OSER1: variants seen among roughly 807,000 people sequenced by gnomAD.
The protein encoded by OSER1 is oxidative stress-responsive serine-rich protein 1.
OSER1 carries 15 observed loss-of-function variants against 26.3 expected under a neutral mutation model. The ratio of observed to expected loss-of-function variants is 0.57; its 90% CI spans 0.38 to 0.88. OSER1 has a LOEUF of 0.88. OSER1 is among the 40% of genes least tolerant of loss of function. The probability of loss-of-function intolerance (pLI) is 0.00; values close to 1 mark genes in which losing one functional copy is unlikely to be tolerated. For missense variants in OSER1, 313 were observed against 353.9 expected (o/e 0.88, Z 0.93); for synonymous variants, 127 against 128.2 (o/e 0.99, Z 0.07).
chr20:44,197,841 GT>G, intron 3 of OSER1, 102 bp from the exon 4 acceptor site: 2 of 697,486 alleles, frequency 2.9e-6, no homozygotes, highest in Non-Finnish European at 4.7e-6. Flanking sequence ...AGCTTTATGA[GT>G]CTAAGCTCAT....
chr20:44,207,860 T>C (rs951620169), intron 1 of OSER1, among the ~76,000 whole-genome samples: 2 of 152,160 alleles, frequency 1.3e-5, no homozygotes, highest in African/African-American at 4.8e-5. Flanking sequence ...CAGAGAAAGG[T>C]AGATGAAGAA....
intron 3 of OSER1, 78 bp downstream of exon 3, chr20:44,202,883 T>G: frequency 3.8e-6 from 3 of 786,638 alleles, no homozygotes. Context: ...AACCTAACTC[T>G]TTTCTGGACA....
At chr20:44,209,786 T>C (rs891996221) in intron 1 of OSER1, among the ~76,000 whole-genome samples, 3 of 152,110 alleles carry the variant, frequency 2.0e-5, no homozygotes, top group African/African-American at 7.2e-5. Context: ...CAAGACCTCC[T>C]TGAATCCCAA....
chr20:44,199,304 G>A (rs1025899696), intron 3 of OSER1, among the ~76,000 whole-genome samples: 1 of 152,166 alleles, frequency 6.6e-6, no homozygotes, highest in African/African-American at 2.4e-5. Flanking sequence ...TTGAGGGACA[G>A]GGATAGTTAT....
At position 44,206,990 on chromosome 20, in the gene OSER1, C is replaced by A. The variant is rs763794108; in HGVS notation, c.-33G>T. On this transcript the variant is annotated 5_prime_UTR_variant, in exon 2 of 4. It adds an upstream start codon to the 5' untranslated region. Transcript: ENST00000255174. Reference sequence around the variant, plus strand: ...GTTTTTACACTACTTATCGATGTTCCTGTTTACACTAAAAAAGAAAATAAA... The same window carrying A: ...GTTTTTACACTACTTATCGATGTTCATGTTTACACTAAAAAAGAAAATAAA... 6.6e-7 allele frequency: 1 copy of A among 1,525,192 alleles called. No homozygotes were observed. 94.5% of individuals were successfully genotyped at this position (1,525,192 alleles called of 1,614,324 possible). A position where few individuals can be genotyped will look rare whatever the true frequency, so the allele number is the denominator to read the frequency against.
At position 44,197,565 on chromosome 20, in the gene OSER1, T is replaced by A; in HGVS notation, c.366A>T (p.Gly122=). 6.2e-7 allele frequency: 1 copy of A among 1,614,106 alleles called. No homozygotes were observed. The highest frequency in any genetic ancestry group is 8.5e-7 in the Non-Finnish European group (1 of 1,180,000). Residue 122 remains glycine (G), a synonymous_variant, in exon 4 of 4, where the codon GGA becomes GGT. Coordinates refer to ENST00000255174, the MANE Select transcript of OSER1 (RefSeq NM_016470.8). The part of the protein sequence containing the change: ...TDSPDGSSGL[G]ISSPKEFSAG... ...CACTGAACTCTTTAGGGGATGAAAT[T>A]CCCAGCCCACTGCTGCCATCAGGTG...
chr20:44,207,861 A>G (rs1203662797), intron 1 of OSER1, among the ~76,000 whole-genome samples: 1 of 152,246 alleles, frequency 6.6e-6, no homozygotes, highest in Admixed American at 6.5e-5. Context: ...AGAGAAAGGT[A>G]GATGAAGAAC....
chr20:44,210,811 C>T (rs1233378570), upstream of OSER1: 5 of 152,652 alleles, frequency 3.3e-5, no homozygotes, highest in African/African-American at 1.2e-4. Flanking sequence ...GCCCGCGCCT[C>T]GGGAGTCGCG....
intron 1 of OSER1, chr20:44,210,195 T>C (rs1288271554): frequency 2.0e-5 from 3 of 152,862 alleles, no homozygotes; most frequent in Non-Finnish European, 4.4e-5. Context: ...CAGGGAGCTG[T>C]CCAGGGGCAC....
At chr20:44,207,190 G>C (rs1264866425) in intron 1 of OSER1, 192 bp from the exon 2 acceptor site, 1 of 410,776 alleles carries the variant, frequency 2.4e-6, no homozygotes, top group East Asian at 4.0e-5. Context: ...TATGTACTAT[G>C]ACAGAATATA....
intron 2 of OSER1, among the ~76,000 whole-genome samples, chr20:44,205,245 A>T (rs1446816397): frequency 6.6e-6 from 1 of 152,254 alleles, no homozygotes; most frequent in Non-Finnish European, 1.5e-5. Context: ...AATTGTGGGT[A>T]CACATTCCTA....
intron 3 of OSER1, among the ~76,000 whole-genome samples, chr20:44,201,784 G>A (rs2072984715): frequency 6.6e-6 from 1 of 152,062 alleles, no homozygotes; most frequent in Admixed American, 6.6e-5. Context: ...GAAACAAAGT[G>A]TGCCATTTCC....
Position 44,196,661 on chromosome 20 carries a change from G to A in OSER1, c.*391C>T, listed in dbSNP as rs953731361. On this transcript the variant is annotated 3_prime_UTR_variant, in exon 4 of 4. Transcript: ENST00000255174. Reference sequence around the variant, plus strand: ...TATTCTGGGCTGGCAACTACAGCATGACAAATGTTTAGTGCAGTTACAAAA... The same window carrying A: ...TATTCTGGGCTGGCAACTACAGCATAACAAATGTTTAGTGCAGTTACAAAA... 5.7e-6 allele frequency: 1 copy of A among 176,058 alleles called. No homozygotes were observed. Among genetic ancestry groups the A allele is most frequent in the African/African-American group, 2.4e-5 (1 of 41,936 alleles). The allele number at this position is 176,058 out of a possible 1,614,324, so 10.9% of individuals were successfully genotyped here. A position where few individuals can be genotyped will look rare whatever the true frequency, so the allele number is the denominator to read the frequency against.
intron 1 of OSER1, among the ~76,000 whole-genome samples, chr20:44,207,842 T>C (rs192714325): frequency 5.9e-5 from 9 of 152,354 alleles, no homozygotes; most frequent in Admixed American, 5.9e-4. Context: ...CTGATTTTTA[T>C]ATTTAAACAG....
At position 44,207,275 on chromosome 20, in the gene OSER1, G is replaced by T. The variant is rs2232284; in HGVS notation, c.-41-277C>A. ...TAGATGATCTAAAATCTATGTTTCA[G>T]TATACATACTTTTTAACGGGAATCT... On this transcript the variant is annotated intron_variant, in intron 1 of 3. Coordinates refer to ENST00000255174, the MANE Select transcript of OSER1 (RefSeq NM_016470.8). 6.2e-3 allele frequency: 1,211 copies of T among 195,566 alleles called. 21 individuals carry two copies. Among genetic ancestry groups the T allele is most frequent in the African/African-American group, 0.026 (1,107 of 43,052 alleles). 12.1% of individuals were successfully genotyped at this position (195,566 alleles called of 1,614,324 possible).
chr20:44,201,501 T>G (rs1481843235), intron 3 of OSER1, among the ~76,000 whole-genome samples: 1 of 152,112 alleles, frequency 6.6e-6, no homozygotes, highest in East Asian at 1.9e-4. Flanking sequence ...AGGAAAAAAG[T>G]AAGTGATTGT....
intron 3 of OSER1, among the ~76,000 whole-genome samples, chr20:44,201,028 C>A (rs1471965777): frequency 4.6e-5 from 6 of 129,788 alleles, no homozygotes; most frequent in African/African-American, 2.5e-4. Context: ...TAAATGAAAG[C>A]AAAGTACAGT....
Position 44,196,878 on chromosome 20 carries a change from G to A in OSER1, c.*174C>T. On this transcript the variant is annotated 3_prime_UTR_variant, in exon 4 of 4. Transcript: ENST00000255174. Reference sequence around the variant, plus strand: ...CCTTGAAGTGTATGTAAGAACTCAAGAGAGTAAGTTGAAAGAATGAAGATT... The same window carrying A: ...CCTTGAAGTGTATGTAAGAACTCAAAAGAGTAAGTTGAAAGAATGAAGATT... 1 of 582,204 alleles carries A rather than the reference G, an allele frequency of 1.7e-6. No individual in the cohort carries two copies. Among genetic ancestry groups the A allele is most frequent in the Non-Finnish European group, 3.1e-6 (1 of 325,336 alleles). The allele number at this position is 582,204 out of a possible 1,614,324, so 36.1% of individuals were successfully genotyped here.
Position 44,197,237 on chromosome 20 carries a change from A to C in OSER1, c.694T>G (p.Ser232Ala). Residue 232 changes from serine to alanine, a missense_variant, in exon 4 of 4, where the codon TCC becomes GCC. Ser to Ala is a moderately conservative substitution (Grantham distance 99). Coordinates refer to ENST00000255174, the MANE Select transcript of OSER1 (RefSeq NM_016470.8). ...SVPPLAPERR[S>A]TLEDYSQSLH... ...GACTGAGAGTAGTCCTCAAGTGTGG[A>C]TCTTCGTTCTGGAGCCAAGGGAGGG... The C allele has an allele frequency of 6.2e-7, 1 of 1,614,172 alleles. No homozygotes were observed. The highest frequency in any genetic ancestry group is 8.5e-7 in the Non-Finnish European group (1 of 1,179,976).
Sources: allele counts gnomAD v4.1 joint callset (sites outside exome capture counted in the v4.1 genomes callset), GRCh38; gene constraint gnomAD v4.1.1; transcripts MANE v1.5; gene names NCBI Gene and HGNC (gene_info 2026-07-23, HGNC 2026-07-21).